CAMKMT: variants seen among roughly 807,000 people sequenced by gnomAD.
CAMKMT encodes CaM KMT.
CAMKMT carries 53 observed loss-of-function variants against 48.0 expected under a neutral mutation model. The ratio of observed to expected loss-of-function variants is 1.10; its 90% CI spans 0.89 to 1.39. CAMKMT has a LOEUF of 1.39. CAMKMT is among the 40% of genes most tolerant of loss of function. The pLI is 0.00. For missense variants in CAMKMT, 428 were observed against 402.7 expected (o/e 1.06, Z -0.54); for synonymous variants, 165 against 152.3 (o/e 1.08, Z -0.61).
At chr2:44,533,775 A>G (rs1292598933) in intron 3 of CAMKMT, among the ~76,000 whole-genome samples, 2 of 152,222 alleles carry the variant, frequency 1.3e-5, no homozygotes, top group Non-Finnish European at 1.5e-5. Flanking sequence ...TGTTACCGCT[A>G]AAGAAAAACA....
chr2:44,520,277 C>G (rs1223243128), intron 3 of CAMKMT, among the ~76,000 whole-genome samples: 1 of 151,840 alleles, frequency 6.6e-6, no homozygotes, highest in Non-Finnish European at 1.5e-5. Flanking sequence ...CTATGTTGCC[C>G]AGACTATGTT....
chr2:44,591,469 C>G (rs1422385160), intron 3 of CAMKMT, among the ~76,000 whole-genome samples: 6 of 152,032 alleles, frequency 3.9e-5, no homozygotes, highest in South Asian at 2.1e-4. Context: ...AGGTCCTTCA[C>G]GTCCCTTGTA....
At chr2:44,768,806 G>A (rs1339935958) in intron 10 of CAMKMT, among the ~76,000 whole-genome samples, 1 of 152,150 alleles carries the variant, frequency 6.6e-6, no homozygotes, top group Non-Finnish European at 1.5e-5. Context: ...TCTGGCCAAA[G>A]CCCCCTCGTC....
In CAMKMT at chr2:44,599,756, A is replaced by G. The variant is rs964885301; in HGVS notation, c.377-104527A>G. Among the ~76,000 whole-genome samples, 4 of 151,766 alleles carry G rather than the reference A, an allele frequency of 2.6e-5. No individual in the cohort carries two copies. In the South Asian group the frequency reaches 8.3e-4, roughly 32 times the overall value. On this transcript the variant is annotated intron_variant, in intron 3 of 10. Transcript: ENST00000378494. ...GGGTTCTAACATGTTTAGTCTAATAACCAAGCCTGGATTGGGCTATTTCTG... is the reference window on the plus strand; with the variant it reads ...GGGTTCTAACATGTTTAGTCTAATAGCCAAGCCTGGATTGGGCTATTTCTG...
chr2:44,572,082 T>G (rs1668937629), intron 3 of CAMKMT, among the ~76,000 whole-genome samples: 1 of 152,190 alleles, frequency 6.6e-6, no homozygotes, highest in Non-Finnish European at 1.5e-5. Context: ...ATCACCACCA[T>G]CCATCTCTAG....
At chr2:44,650,139 A>C (rs1673976099) in intron 3 of CAMKMT, among the ~76,000 whole-genome samples, 2 of 152,220 alleles carry the variant, frequency 1.3e-5, no homozygotes, top group Admixed American at 1.3e-4. Context: ...TGGAGGCTAG[A>C]AGTCCAAAGT....
At chr2:44,605,382 CT>C (rs1433143045) in intron 3 of CAMKMT, among the ~76,000 whole-genome samples, 1 of 152,018 alleles carries the variant, frequency 6.6e-6, no homozygotes, top group Non-Finnish European at 1.5e-5. Context: ...GGTGGCATGT[CT>C]TTCTTGAGGG....
intron 3 of CAMKMT, among the ~76,000 whole-genome samples, chr2:44,551,634 A>G (rs1049492653): frequency 1.3e-5 from 2 of 152,150 alleles, no homozygotes; most frequent in African/African-American, 4.8e-5. Flanking sequence ...GCTCTATACC[A>G]AAGTATGCTT....
chr2:44,510,401 T>C (rs1217728551), intron 3 of CAMKMT, among the ~76,000 whole-genome samples: 1 of 152,218 alleles, frequency 6.6e-6, no homozygotes, highest in Non-Finnish European at 1.5e-5. Context: ...AGTGATGTGC[T>C]CCTTCTCAGT....
chr2:44,574,914 A>G (rs1669129678), intron 3 of CAMKMT, among the ~76,000 whole-genome samples: 1 of 146,874 alleles, frequency 6.8e-6, no homozygotes, highest in Non-Finnish European at 1.5e-5. Context: ...CTAACTGGCT[A>G]TTTTTTCGTT....
At chr2:44,556,906 G>A (rs977710763) in intron 3 of CAMKMT, among the ~76,000 whole-genome samples, 7 of 151,470 alleles carry the variant, frequency 4.6e-5, no homozygotes, top group African/African-American at 7.3e-5. Flanking sequence ...ATGAGACCCC[G>A]TCTCTACAAA....
intron 3 of CAMKMT, among the ~76,000 whole-genome samples, chr2:44,663,382 C>G (rs557712169): frequency 6.6e-6 from 1 of 152,282 alleles, no homozygotes; most frequent in South Asian, 2.1e-4. Flanking sequence ...ATCATTGATT[C>G]GCAAACATTC....
chr2:44,363,758 C>T lies in CAMKMT; in HGVS notation c.138+1613C>T, dbSNP rs538425670. 7.4e-5 allele frequency among the ~76,000 whole-genome samples: 11 copies of T among 149,518 alleles called. No homozygotes were observed. In the South Asian group the frequency reaches 1.3e-3, roughly 17 times the overall value. On this transcript the variant is annotated intron_variant, in intron 1 of 10. Coordinates refer to ENST00000378494, the MANE Select transcript of CAMKMT (RefSeq NM_024766.5). ...AGACGTGAGTGCAATGGCGCAATCT[C>T]GGCTCACTGCAGCCTCCGCCTCCCT...
At chr2:44,465,785 G>C (rs1031452331) in intron 3 of CAMKMT, among the ~76,000 whole-genome samples, 1 of 152,132 alleles carries the variant, frequency 6.6e-6, no homozygotes, top group Non-Finnish European at 1.5e-5. Context: ...AATAAATGCT[G>C]TTTATAAGGC....
Position 44,614,936 on chromosome 2 carries a change from C to CTTTTTTTTTTTTTTT in CAMKMT, c.377-89337_377-89323dup, listed in dbSNP as rs3083440. Among the ~76,000 whole-genome samples, 134 of 48,990 alleles carry CTTTTTTTTTTTTTTT rather than the reference C, an allele frequency of 2.7e-3. 31 individuals carry two copies. The highest frequency in any genetic ancestry group is 0.013 in the African/African-American group (127 of 9,642). 32.1% of individuals were successfully genotyped at this position (48,990 alleles called of 152,430 possible). A position where few individuals can be genotyped will look rare whatever the true frequency, so the allele number is the denominator to read the frequency against. ...TCTAACCAGCTCTTTGGTCTCCTTG[C>CTTTTTTTTTTTTTTT]TTTTTTTTTTTTTTTTTTTTTTTTG... On this transcript the variant is annotated intron_variant, in intron 3 of 10. Coordinates refer to ENST00000378494, the MANE Select transcript of CAMKMT (RefSeq NM_024766.5).
chr2:44,481,234 A>G (rs1011602524), intron 3 of CAMKMT, among the ~76,000 whole-genome samples: 3 of 152,112 alleles, frequency 2.0e-5, no homozygotes, highest in Non-Finnish European at 2.9e-5. Context: ...TAAAGGAACT[A>G]CTAGGAGCAA....
chr2:44,427,955 T>G (rs1067366), intron 3 of CAMKMT, among the ~76,000 whole-genome samples: 1 of 151,936 alleles, frequency 6.6e-6, no homozygotes, highest in Non-Finnish European at 1.5e-5. Context: ...GGGGTGAATG[T>G]CTTTGGGCAC....
intron 3 of CAMKMT, among the ~76,000 whole-genome samples, chr2:44,461,294 A>G (rs1667836488): frequency 1.3e-5 from 2 of 152,290 alleles, no homozygotes; most frequent in African/African-American, 2.4e-5. Flanking sequence ...AGTGTTTAAT[A>G]TGTGCTGGCT....
intron 3 of CAMKMT, among the ~76,000 whole-genome samples, chr2:44,576,527 T>C (rs1230812406): frequency 6.6e-6 from 1 of 152,112 alleles, no homozygotes; most frequent in East Asian, 1.9e-4. Context: ...GTCTTCCTGG[T>C]GGAGAATAAT....
Sources: gnomAD v4.1 joint callset for allele counts (sites outside exome capture counted in the v4.1 genomes callset) on GRCh38, gnomAD v4.1.1 for gene constraint, MANE v1.5 for transcripts, NCBI Gene and HGNC (gene_info 2026-07-23, HGNC 2026-07-21) for gene names.